The following PTK2 variants were observed in gnomAD, a reference collection of about 807,000 sequenced individuals.
PTK2 encodes the protein protein tyrosine kinase 2.
PTK2 carries 45 observed loss-of-function variants against 150.1 expected under a neutral mutation model. That is an observed-to-expected ratio of 0.30 (90% CI 0.24 to 0.38). The LOEUF (loss-of-function observed/expected upper bound fraction) is 0.38. Among genes scored for constraint, PTK2 ranks in the 10% least tolerant of loss-of-function variants. The pLI, the probability that PTK2 is intolerant of heterozygous loss-of-function variation, is 1.00. For synonymous variants in PTK2, 432 were observed against 449.2 expected, an observed-to-expected ratio of 0.96 and a Z score of 0.48; for missense variants, 919 against 1,307.3, an observed-to-expected ratio of 0.70 and a Z score of 4.58.
In PTK2 at chr8:140,922,154, CTTAT is replaced by C. The variant is rs529706219; in HGVS notation, c.-33+3503_-33+3506del. ...AACAAAGGCTGAGGAGAACAAGAGGCTTATTTGTGTCCAGTGATGCCCCAGGACA... is the reference window on the plus strand; with the variant it reads ...AACAAAGGCTGAGGAGAACAAGAGGCTTGTGTCCAGTGATGCCCCAGGACA... On this transcript the variant is annotated intron_variant, in intron 2 of 31. Transcript: ENST00000522684. Among the ~76,000 whole-genome samples the C allele has an allele frequency of 4.0e-3, 613 of 152,222 alleles. 3 individuals carry two copies. The highest frequency in any genetic ancestry group is 0.014 in the African/African-American group (574 of 41,528).
chr8:140,863,349 C>T (rs1004204640), intron 5 of PTK2, among the ~76,000 whole-genome samples: 1 of 152,150 alleles, frequency 6.6e-6, no homozygotes, highest in East Asian at 1.9e-4. Flanking sequence ...ATCCCTGATA[C>T]TGCCATCTAA....
intron 2 of PTK2, among the ~76,000 whole-genome samples, chr8:140,913,316 G>C (rs1424950561): frequency 2.5e-5 from 2 of 79,354 alleles, no homozygotes; most frequent in African/African-American, 5.0e-5. Context: ...TTTTTTTTTT[G>C]ACAGAGTCTC....
chr8:140,720,684 T>C (rs1267899811), intron 22 of PTK2, among the ~76,000 whole-genome samples: 1 of 152,202 alleles, frequency 6.6e-6, no homozygotes, highest in Non-Finnish European at 1.5e-5. Flanking sequence ...CTATTAGAAA[T>C]TCCCCATCAG....
At chr8:140,869,839 C>A (rs116728038) in intron 4 of PTK2, among the ~76,000 whole-genome samples, 3,487 of 151,320 alleles carry the variant, frequency 0.023, 138 homozygotes, top group African/African-American at 0.079. Context: ...AACAACATAG[C>A]CTTAAAATCA....
chr8:140,674,595 C>T (rs892228572), intron 28 of PTK2, among the ~76,000 whole-genome samples, 191 bp from the exon 32 acceptor site: 2 of 151,734 alleles, frequency 1.3e-5, no homozygotes. Flanking sequence ...CAAAATTAGC[C>T]GGGTGTGGTG....
chr8:140,949,057 C>G (rs1367027484), intron 1 of PTK2, among the ~76,000 whole-genome samples: 1 of 151,682 alleles, frequency 6.6e-6, no homozygotes, highest in Non-Finnish European at 1.5e-5. Flanking sequence ...TCAGCCTACT[C>G]AACATGAAGA....
chr8:140,694,229 G>C (rs994261029), intron 26 of PTK2, among the ~76,000 whole-genome samples: 22 of 151,908 alleles, frequency 1.4e-4, no homozygotes, highest in African/African-American at 5.3e-4. Flanking sequence ...TTTTAGTAGA[G>C]ACGGGGTTTC....
At chr8:140,698,672 C>CT (rs1277557366) in intron 26 of PTK2, among the ~76,000 whole-genome samples, 2 of 151,836 alleles carry the variant, frequency 1.3e-5, no homozygotes, top group African/African-American at 4.8e-5. Flanking sequence ...CTGGAGTACA[C>CT]TGCGCCATCT....
intron 1 of PTK2, among the ~76,000 whole-genome samples, chr8:140,976,116 G>T (rs1181595784): frequency 1.3e-5 from 2 of 152,190 alleles, no homozygotes; most frequent in Admixed American, 1.3e-4. Context: ...ATAAGGACTT[G>T]AGAAGCACAG....
Position 140,919,003 on chromosome 8 carries a change from AGG to A in PTK2, c.-33+6656_-33+6657del, listed in dbSNP as rs556565647. ...CCTGTCCTGGTACAAGAGTAACATG[AGG>A]GGAGAGAGAGGAAGTTTACTAAGAT... is the stretch of plus-strand genomic sequence containing the variant. On this transcript the variant is annotated intron_variant, in intron 2 of 31. Transcript: ENST00000522684. Among the ~76,000 whole-genome samples, 26 of 152,294 alleles carry A rather than the reference AGG, an allele frequency of 1.7e-4. 1 individual carries two copies. In the East Asian group the frequency reaches 4.6e-3, roughly 27 times the overall value.
chr8:140,857,409 C>T (rs2100133332), intron 5 of PTK2, among the ~76,000 whole-genome samples: 1 of 152,124 alleles, frequency 6.6e-6, no homozygotes, highest in Non-Finnish European at 1.5e-5. Context: ...CTACAAGGGG[C>T]CTTTGTATCA....
intron 2 of PTK2, among the ~76,000 whole-genome samples, chr8:140,893,130 C>T (rs927570832): frequency 3.3e-5 from 5 of 152,110 alleles, no homozygotes; most frequent in African/African-American, 1.2e-4. Context: ...GAGTTCAAGA[C>T]CAGCCTGGGC....
intron 22 of PTK2, among the ~76,000 whole-genome samples, chr8:140,727,913 C>T (rs892691753): frequency 8.6e-5 from 13 of 151,960 alleles, no homozygotes; most frequent in Non-Finnish European, 1.8e-4. Flanking sequence ...TAGAGAAAGA[C>T]GGCCGGGCGC....
intron 17 of PTK2, chr8:140,751,838 A>G: frequency 2.0e-6 from 1 of 493,798 alleles, no homozygotes; most frequent in African/African-American, 1.9e-5. Context: ...GAATGGTCAT[A>G]GAGCCCTATT....
At chr8:140,798,094 ATGTATAAGTAG>A (rs2100092778) in intron 12 of PTK2, among the ~76,000 whole-genome samples, 1 of 152,220 alleles carries the variant, frequency 6.6e-6, no homozygotes, top group African/African-American at 2.4e-5. Flanking sequence ...ACATGTATAC[ATGTATAAGTAG>A]TTTATGATCT....
At chr8:140,978,121 A>C (rs1270211829) in intron 1 of PTK2, among the ~76,000 whole-genome samples, 1 of 152,246 alleles carries the variant, frequency 6.6e-6, no homozygotes, top group Non-Finnish European at 1.5e-5. Flanking sequence ...ACATGGATTA[A>C]AGACTTAAAT....
In PTK2 at chr8:140,692,784, A is replaced by G. The variant is rs184158509; in HGVS notation, c.2500-6090T>C. 2.2e-3 allele frequency among the ~76,000 whole-genome samples: 340 copies of G among 152,292 alleles called. 1 individual carries two copies. Among genetic ancestry groups the G allele is most frequent in the African/African-American group, 7.2e-3 (298 of 41,556 alleles). Reference sequence around the variant, plus strand: ...GCTTTCAAATCTGGAATCTGGTATGAGGGAAAAAATAGGAGAGCTGTTGGC... The same window carrying G: ...GCTTTCAAATCTGGAATCTGGTATGGGGGAAAAAATAGGAGAGCTGTTGGC... On this transcript the variant is annotated intron_variant, in intron 26 of 31. Transcript: ENST00000522684.
intron 2 of PTK2, among the ~76,000 whole-genome samples, chr8:140,895,454 C>T (rs1190248187): frequency 6.6e-6 from 1 of 151,352 alleles, no homozygotes; most frequent in Non-Finnish European, 1.5e-5. Context: ...CCCCAGAGCT[C>T]AAGGCTGCAG....
chr8:140,850,803 G>A (rs530947040), intron 5 of PTK2, among the ~76,000 whole-genome samples: 7 of 152,114 alleles, frequency 4.6e-5, no homozygotes, highest in Non-Finnish European at 8.8e-5. Flanking sequence ...TTTGTATCAA[G>A]GAGTTCCTTC....
Sources: allele counts gnomAD v4.1 joint callset (sites outside exome capture counted in the v4.1 genomes callset), GRCh38; gene constraint gnomAD v4.1.1; transcripts MANE v1.5; gene names NCBI Gene and HGNC (gene_info 2026-07-23, HGNC 2026-07-21).